The following PHKA2 variants were observed in gnomAD, a reference collection of about 807,000 sequenced individuals.
PHKA2 encodes the protein phosphorylase kinase regulatory subunit alpha 2.
PHKA2 carries 31 observed loss-of-function variants against 102.0 expected under a neutral mutation model. That is an observed-to-expected ratio of 0.30 (90% CI 0.23 to 0.41). PHKA2 has a LOEUF of 0.41. PHKA2 is among the 10% of genes least tolerant of loss of function. The pLI is 1.00. For synonymous variants in PHKA2, 455 were observed against 416.2 expected (o/e 1.09, Z -1.13); for missense variants, 858 against 1,023.1 (o/e 0.84, Z 2.20).
At chrX:18,978,699 C>T (rs767259793) in intron 1 of PHKA2, among the ~76,000 whole-genome samples, 4 of 110,766 alleles carry the variant, frequency 3.6e-5, no homozygotes, top group South Asian at 3.9e-4. Context: ...GGTGACAGAG[C>T]GAGACTCTGT....
intron 18 of PHKA2, 44 bp downstream of exon 18, chrX:18,919,987 TA>T (rs2048088519): frequency 9.6e-7 from 1 of 1,039,381 alleles, no homozygotes; most frequent in East Asian, 3.0e-5. Context: ...TGCTAAAGTT[TA>T]AATAAATTCA....
At chrX:18,950,915 A>G (rs1488237087) in intron 4 of PHKA2, among the ~76,000 whole-genome samples, 189 bp downstream of exon 4, 5 of 112,636 alleles carry the variant, frequency 4.4e-5, no homozygotes, top group Non-Finnish European at 9.4e-5. Context: ...TGCCTTGGTC[A>G]TGGACTTCCC....
intron 5 of PHKA2, among the ~76,000 whole-genome samples, chrX:18,945,517 T>C (rs1335040201): frequency 8.9e-6 from 1 of 112,580 alleles, no homozygotes; most frequent in Non-Finnish European, 1.9e-5. Context: ...TTTGAACTTA[T>C]ATTATGTTGT....
Position 18,949,828 on chromosome X carries a change from T to TA in PHKA2, c.455-1003dup, listed in dbSNP as rs774493657. On this transcript the variant is annotated intron_variant, in intron 4 of 32. Coordinates refer to ENST00000379942, the MANE Select transcript of PHKA2 (RefSeq NM_000292.3). ...CAAAATATCTACAGTGAGCTCATAT[T>TA]AACTTTCATAGCCAAAACGTAACTT... is the stretch of plus-strand genomic sequence containing the variant. Among the ~76,000 whole-genome samples, 241 of 112,482 alleles carry TA rather than the reference T, an allele frequency of 2.1e-3. 1 individual carries two copies. The highest frequency in any genetic ancestry group is 7.3e-3 in the African/African-American group (226 of 30,965).
intron 26 of PHKA2, among the ~76,000 whole-genome samples, chrX:18,903,860 C>A (rs1251189273): frequency 8.9e-6 from 1 of 112,107 alleles, no homozygotes; most frequent in Non-Finnish European, 1.9e-5. Flanking sequence ...ACTCCAAAGC[C>A]TCCCAGGTCT....
chrX:18,903,300 A>G (rs2047734168), intron 26 of PHKA2, among the ~76,000 whole-genome samples: 1 of 112,475 alleles, frequency 8.9e-6, no homozygotes, highest in Non-Finnish European at 1.9e-5. Flanking sequence ...TATTTGTATT[A>G]ATATTTTTCT....
chrX:18,938,907 G>T (rs755187554), intron 9 of PHKA2, among the ~76,000 whole-genome samples, 158 bp from the exon 10 acceptor site: 1 of 112,594 alleles, frequency 8.9e-6, no homozygotes, highest in East Asian at 2.8e-4. Flanking sequence ...TTGGCAGTTT[G>T]CCATGGTAAT....
At chrX:18,919,841 T>C (rs2048086086) in intron 18 of PHKA2, among the ~76,000 whole-genome samples, 191 bp downstream of exon 18, 1 of 111,657 alleles carries the variant, frequency 9.0e-6, no homozygotes, top group Non-Finnish European at 1.9e-5. Flanking sequence ...AAGGACATCA[T>C]TTGCAGTTTC....
intron 13 of PHKA2, 78 bp downstream of exon 13, chrX:18,929,150 A>G (rs1355568353): frequency 2.7e-6 from 2 of 731,122 alleles, no homozygotes; most frequent in Non-Finnish European, 4.2e-6. Context: ...AAATTAAATA[A>G]GAAACTAGGC....
intron 20 of PHKA2, among the ~76,000 whole-genome samples, chrX:18,910,044 C>A (rs2047896848): frequency 8.9e-6 from 1 of 112,402 alleles, no homozygotes; most frequent in Non-Finnish European, 1.9e-5. Flanking sequence ...AGGGAAGAGT[C>A]CTGGATAAAA....
chrX:18,902,533 G>A (rs1004707609), intron 26 of PHKA2, among the ~76,000 whole-genome samples: 4 of 108,391 alleles, frequency 3.7e-5, no homozygotes, highest in Non-Finnish European at 7.7e-5. Context: ...AGGCCGAGGC[G>A]GGCAGATCAC....
At position 18,924,490 on chromosome X, in the gene PHKA2, G is replaced by A; in HGVS notation, c.1605C>T (p.Asp535=). 2 of 1,210,718 alleles carry A rather than the reference G, an allele frequency of 1.7e-6. No individual in the cohort carries two copies. Among genetic ancestry groups the A allele is most frequent in the Non-Finnish European group, 2.2e-6 (2 of 894,564 alleles). ...TTAGCATCTCCACGATCATCTCATTGTCGAGGGCCAGGTAGAAGTGATGCT... is the reference window on the plus strand; with the variant it reads ...TTAGCATCTCCACGATCATCTCATTATCGAGGGCCAGGTAGAAGTGATGCT... ...TDQHHFYLAL[D]NEMIVEMLRI... Residue 535 remains aspartate, a synonymous_variant, in exon 16 of 33, where the codon GAC becomes GAT. Coordinates refer to ENST00000379942, the MANE Select transcript of PHKA2 (RefSeq NM_000292.3).
intron 1 of PHKA2, among the ~76,000 whole-genome samples, chrX:18,955,375 T>C (rs1279772256): frequency 2.7e-5 from 2 of 72,947 alleles, no homozygotes; most frequent in African/African-American, 3.5e-4. Context: ...CTGCTAGTAG[T>C]TTTTTTTTTT....
chrX:18,918,572 T>C, intron 19 of PHKA2, 109 bp downstream of exon 19: 1 of 723,413 alleles, frequency 1.4e-6, no homozygotes, highest in Non-Finnish European at 2.2e-6. Flanking sequence ...TAGAAGCACG[T>C]GGGGGGCATT....
At chrX:18,940,136 T>C in intron 8 of PHKA2, 88 bp from the exon 9 acceptor site, 1 of 616,755 alleles carries the variant, frequency 1.6e-6, no homozygotes, top group Non-Finnish European at 2.8e-6. Flanking sequence ...TTCCCATGAA[T>C]CTTTTAGTAA....
At chrX:18,919,085 A>T (rs747824103) in intron 18 of PHKA2, among the ~76,000 whole-genome samples, 1 of 111,545 alleles carries the variant, frequency 9.0e-6, no homozygotes, top group Non-Finnish European at 1.9e-5. Flanking sequence ...AGGAAAAAAA[A>T]ACTACCAGTC....
At chrX:18,974,508 T>C (rs1315909956) in intron 1 of PHKA2, among the ~76,000 whole-genome samples, 4 of 111,992 alleles carry the variant, frequency 3.6e-5, no homozygotes, top group African/African-American at 6.5e-5. Context: ...CCGACTTCCA[T>C]CTTAGTCAGT....
intron 12 of PHKA2, among the ~76,000 whole-genome samples, chrX:18,931,036 G>A (rs989633593): frequency 2.7e-5 from 3 of 111,807 alleles, no homozygotes; most frequent in African/African-American, 9.8e-5. Context: ...AGGAGTGGGG[G>A]ATTCATTTGA....
chrX:18,918,967 C>G, intron 18 of PHKA2, 113 bp from the exon 19 acceptor site: 1 of 617,862 alleles, frequency 1.6e-6, no homozygotes. Context: ...CAGATGACAA[C>G]ACTGAGATAT....
Sources: gnomAD v4.1 joint callset for allele counts (sites outside exome capture counted in the v4.1 genomes callset) on GRCh38, gnomAD v4.1.1 for gene constraint, MANE v1.5 for transcripts, NCBI Gene and HGNC (gene_info 2026-07-23, HGNC 2026-07-21) for gene names.